TCF20: variants seen among roughly 807,000 people sequenced by gnomAD.
TCF20 encodes the protein SPRE-binding protein.
TCF20 carries 3 observed loss-of-function variants against 148.6 expected under a neutral mutation model. That is an observed-to-expected ratio of 0.02 (90% confidence interval 0.01 to 0.05). The LOEUF is 0.05. Ranked by LOEUF, TCF20 falls within the 10% of genes least tolerant of loss-of-function variation. The pLI, the probability that TCF20 is intolerant of heterozygous loss-of-function variation, is 1.00. For synonymous variants in TCF20, 1,049 were observed against 909.5 expected (o/e 1.15, Z -2.76); for missense variants, 2,350 against 2,429.3 (o/e 0.97, Z 0.69).
chr22:42,250,585 C>A (rs144684161), intron 1 of TCF20, among the ~76,000 whole-genome samples: 5 of 152,100 alleles, frequency 3.3e-5, no homozygotes, highest in Non-Finnish European at 5.9e-5. Flanking sequence ...CTTGTTTTTA[C>A]TACCTCATCA....
chr22:42,269,969 G>C (rs367725747), intron 1 of TCF20: 1 of 152,218 alleles, frequency 6.6e-6, no homozygotes, highest in Non-Finnish European at 1.5e-5. Context: ...GCTGACTCCC[G>C]GACGCCGCCC....
intron 3 of TCF20, among the ~76,000 whole-genome samples, chr22:42,175,051 A>G (rs1391996807): frequency 6.6e-6 from 1 of 151,990 alleles, no homozygotes; most frequent in African/African-American, 2.4e-5. Context: ...CAAAAAAAAA[A>G]AGCCATTTTT....
chr22:42,231,948 T>TAAAAAAA (rs1923455268), intron 1 of TCF20, among the ~76,000 whole-genome samples: 1 of 130,982 alleles, frequency 7.6e-6, no homozygotes. Flanking sequence ...AAAAAAAAAG[T>TAAAAAAA]TACAGTAATC....
In TCF20 at chr22:42,161,357, AC is replaced by A; in HGVS notation, c.*45del. On this transcript the variant is annotated splice_region_variant and 3_prime_UTR_variant, in exon 6 of 6. Coordinates refer to ENST00000677622, the MANE Select transcript of TCF20 (RefSeq NM_001378418.1). ...ACCACCTTCTCATCTCCACAGTCTC[AC>A]CTGGAAGACAAGGGACACACAGTGA... 1 of 1,613,982 alleles carries A rather than the reference AC, an allele frequency of 6.2e-7. No individual in the cohort carries two copies. Among genetic ancestry groups the A allele is most frequent in the East Asian group, 2.2e-5 (1 of 44,876 alleles).
chr22:42,318,708 TG>T (rs1927679484), intron 1 of TCF20, among the ~76,000 whole-genome samples: 1 of 152,204 alleles, frequency 6.6e-6, no homozygotes, highest in Non-Finnish European at 1.5e-5. Context: ...CTGGGGTTTC[TG>T]TGGAAGCCCA....
chr22:42,301,638 G>A (rs983591198), intron 1 of TCF20, among the ~76,000 whole-genome samples: 6 of 152,242 alleles, frequency 3.9e-5, no homozygotes, highest in African/African-American at 1.4e-4. Flanking sequence ...CGTAGCTCCA[G>A]GGCAATGGAA....
rs965607127 is a variant in TCF20 at position 42,299,651 on chromosome 22, G to A, written c.-37+43828C>T. 6.6e-6 allele frequency among the ~76,000 whole-genome samples: 1 copy of A among 152,086 alleles called. No homozygotes were observed. The highest frequency in any genetic ancestry group is 1.5e-5 in the Non-Finnish European group (1 of 68,014). Reference sequence around the variant, plus strand: ...CCTCTGTACCTCTCCCCGAACGCAGGCCCCCCTGCCCGCACCCCAACACTT... The same window carrying A: ...CCTCTGTACCTCTCCCCGAACGCAGACCCCCCTGCCCGCACCCCAACACTT... On this transcript the variant is annotated intron_variant, in intron 1 of 1. Coordinates refer to the TCF20 transcript ENST00000515426. The surrounding 1 kb of genome is among the most constrained non-coding windows in gnomAD (Gnocchi z 4.1).
chr22:42,180,931 G>A (rs1936740075), intron 2 of TCF20, among the ~76,000 whole-genome samples: 2 of 152,314 alleles, frequency 1.3e-5, no homozygotes, highest in South Asian at 4.2e-4. Flanking sequence ...GCTTTGCCCT[G>A]CTCTCAGAAG....
intron 1 of TCF20, among the ~76,000 whole-genome samples, chr22:42,295,173 G>C (rs1253763196): frequency 6.6e-6 from 1 of 152,152 alleles, no homozygotes; most frequent in Non-Finnish European, 1.5e-5. Flanking sequence ...CCCCAGCCTG[G>C]GCCCTTCCTC....
intron 1 of TCF20, among the ~76,000 whole-genome samples, chr22:42,247,033 A>C (rs5758677): frequency 0.35 from 53,330 of 151,556 alleles, 10,967 homozygotes; most frequent in South Asian, 0.47. Context: ...CAAAGATTAA[A>C]GGTGCACCAG....
At chr22:42,337,224 C>T (rs549015870) in intron 1 of TCF20, among the ~76,000 whole-genome samples, 7 of 152,238 alleles carry the variant, frequency 4.6e-5, no homozygotes, top group Admixed American at 2.0e-4. Flanking sequence ...CCCAAACCCA[C>T]GCTGCCATCA....
intron 2 of TCF20, among the ~76,000 whole-genome samples, chr22:42,206,925 TAA>T (rs752820114): frequency 5.3e-5 from 8 of 152,140 alleles, no homozygotes; most frequent in Non-Finnish European, 1.2e-4. Context: ...ACTTGCAAGA[TAA>T]ACTCATGACA....
intron 1 of TCF20, among the ~76,000 whole-genome samples, chr22:42,238,021 G>A (rs1296849356): frequency 1.3e-5 from 2 of 152,174 alleles, no homozygotes; most frequent in East Asian, 3.8e-4. Context: ...CCTAATAACA[G>A]TCAGCCTGTC....
chr22:42,313,648 G>T (rs150702159), intron 1 of TCF20, among the ~76,000 whole-genome samples: 1 of 136,870 alleles, frequency 7.3e-6, no homozygotes, highest in Admixed American at 8.2e-5. Context: ...CGCCCCAGCT[G>T]GAGTGCAGGG....
Position 42,214,602 on chromosome 22 carries a change from T to G in TCF20, c.704A>C (p.Tyr235Ser), listed in dbSNP as rs966966204. Residue 235 changes from tyrosine to serine, a missense_variant, in exon 2 of 6, where the codon TAT (tyrosine) becomes TCT (serine). Tyr to Ser is a moderately radical substitution (Grantham distance 144). This residue lies in a region of TCF20 where 1,641 missense variants were observed against 1,662.6 expected (regional missense o/e 0.99). Coordinates refer to ENST00000677622, the MANE Select transcript of TCF20 (RefSeq NM_001378418.1). ...GGAGGAGGAGGAAGCAGAAGACTGA[T>G]AGTGTTGGCCAAACTGACCCACTCT... ...QLRVGQFGQH[Y>S]QSSASSSSSS... is the part of the protein sequence containing the mutation. 1.9e-6 allele frequency: 3 copies of G among 1,613,968 alleles called. No homozygotes were observed. The African/African-American group carries it at 4.0e-5, about 22-fold the overall frequency.
upstream of TCF20, among the ~76,000 whole-genome samples, chr22:42,284,200 G>C (rs1926979445): frequency 6.6e-6 from 1 of 152,238 alleles, no homozygotes; most frequent in Admixed American, 6.5e-5. Context: ...CAGCGTGGAG[G>C]GGGGCAGGGG....
intron 1 of TCF20, among the ~76,000 whole-genome samples, chr22:42,245,421 A>C (rs534764274): frequency 6.6e-6 from 1 of 152,266 alleles, no homozygotes; most frequent in Admixed American, 6.5e-5. Context: ...GCCCTGCAAA[A>C]ACATGAAACG....
chr22:42,161,448 T>G, intron 5 of TCF20, 90 bp from the exon 6 acceptor site: 1 of 1,579,116 alleles, frequency 6.3e-7, no homozygotes, highest in East Asian at 2.2e-5. Flanking sequence ...CTGGGAGCTT[T>G]CAGCAGGGAG....
At position 42,211,785 on chromosome 22, in the gene TCF20, C is replaced by A. The variant is rs1261058730; in HGVS notation, c.3521G>T (p.Gly1174Val). The change falls in exon 2 of 6, where the codon GGC becomes GTC. Residue 1174 changes from glycine to valine, a missense_variant. Physicochemically the swap from Gly to Val is moderately radical, Grantham distance 109 (BLOSUM62 -3). Transcript: ENST00000677622. The stretch of plus-strand genomic sequence containing the variant: ...CTGGGAGCCATGCTTTAATTCCATG[C>A]CCTTGTTAGGCAGACCATCACTAGA... ...LMSSDGLPNK[G>V]MELKHGSQKL... 2 of 1,614,094 alleles carry A rather than the reference C, an allele frequency of 1.2e-6. No individual in the cohort carries two copies. The highest frequency in any genetic ancestry group is 1.7e-6 in the Non-Finnish European group (2 of 1,180,056).
Sources: allele counts gnomAD v4.1 joint callset (sites outside exome capture counted in the v4.1 genomes callset), GRCh38; gene constraint gnomAD v4.1.1; regional missense constraint gnomAD v4.1.1; non-coding constraint Gnocchi (gnomAD v3.1); transcripts MANE v1.5; gene names NCBI Gene and HGNC (gene_info 2026-07-23, HGNC 2026-07-21).